ERC1: variants seen among roughly 807,000 people sequenced by gnomAD.
ERC1 encodes RAB6 interacting protein 2.
A neutral mutation model predicts 132.0 loss-of-function variants in ERC1; 56 were observed. The observed-to-expected ratio is 0.42, with a 90% CI of 0.34 to 0.53. The LOEUF is 0.53. ERC1 is among the 20% of genes least tolerant of loss of function. The probability of loss-of-function intolerance (pLI) is 0.03; values close to 1 mark genes in which losing one functional copy is unlikely to be tolerated. For synonymous variants in ERC1, 478 were observed against 476.1 expected (o/e 1.00, Z -0.05); for missense variants, 1,202 against 1,349.9 (o/e 0.89, Z 1.72).
chr12:1,068,807 C>T (rs1317470462), intron 2 of ERC1, among the ~76,000 whole-genome samples: 3 of 152,136 alleles, frequency 2.0e-5, no homozygotes, highest in African/African-American at 7.2e-5. Context: ...CGCCTTCTTA[C>T]ACTGTGTTCT....
chr12:1,004,640 T>TAA (rs1963174966), intron 1 of ERC1, among the ~76,000 whole-genome samples: 10 of 151,864 alleles, frequency 6.6e-5, no homozygotes, highest in Admixed American at 2.6e-4. Context: ...CTCCTGACCT[T>TAA]GTGATCCAAC....
At chr12:1,367,951 CT>C (rs59027116) in intron 15 of ERC1, among the ~76,000 whole-genome samples, 11,323 of 118,480 alleles carry the variant, frequency 0.096, 533 homozygotes, top group Middle Eastern at 0.17. Flanking sequence ...CCACATTTTC[CT>C]TTTTTTTTTT....
At chr12:1,429,466 G>C (rs1456381227) in intron 17 of ERC1, among the ~76,000 whole-genome samples, 3 of 152,120 alleles carry the variant, frequency 2.0e-5, no homozygotes, top group African/African-American at 2.4e-5. Flanking sequence ...GAATCCTCAA[G>C]TTCATGTAGA....
At chr12:1,428,318 T>A (rs2092698043) in intron 17 of ERC1, among the ~76,000 whole-genome samples, 1 of 152,162 alleles carries the variant, frequency 6.6e-6, no homozygotes, top group African/African-American at 2.4e-5. Context: ...CGTGGATGAG[T>A]TTTACCCTAA....
In ERC1 at chr12:1,209,129, C is replaced by G. The variant is rs1957624707; in HGVS notation, c.2351+19077C>G. 2.0e-5 allele frequency among the ~76,000 whole-genome samples: 3 copies of G among 152,076 alleles called. No individual in the cohort carries two copies. The South Asian group carries it at 6.2e-4, about 32-fold the overall frequency. On this transcript the variant is annotated intron_variant, in intron 12 of 18. Transcript: ENST00000360905. ...GATTACAGGGGTGTGCCACCATGCC[C>G]AGCTAATTTTTGTATTTTTAGTAGA...
intron 7 of ERC1, among the ~76,000 whole-genome samples, chr12:1,124,273 A>C (rs1443092779): frequency 6.6e-6 from 1 of 152,228 alleles, no homozygotes; most frequent in Non-Finnish European, 1.5e-5. Context: ...AAGTCACATG[A>C]CTTTGCACTC....
intron 14 of ERC1, among the ~76,000 whole-genome samples, chr12:1,283,653 T>C (rs753143723): frequency 1.3e-5 from 2 of 152,248 alleles, no homozygotes; most frequent in African/African-American, 2.4e-5. Flanking sequence ...CTTGGATATA[T>C]GTATAATCTG....
intron 15 of ERC1, among the ~76,000 whole-genome samples, chr12:1,339,579 G>A (rs1457668242): frequency 1.3e-5 from 2 of 151,514 alleles, no homozygotes; most frequent in Non-Finnish European, 2.9e-5. Flanking sequence ...GGACAACTGT[G>A]ACAGGGTGCT....
intron 16 of ERC1, among the ~76,000 whole-genome samples, chr12:1,396,381 C>T (rs2090543133): frequency 1.3e-5 from 2 of 152,084 alleles, no homozygotes; most frequent in Admixed American, 6.5e-5. Context: ...CATTTTTTTG[C>T]ACCAATCATG....
At chr12:1,077,842 C>T (rs1181734391) in intron 2 of ERC1, among the ~76,000 whole-genome samples, 6 of 152,004 alleles carry the variant, frequency 3.9e-5, no homozygotes, top group East Asian at 1.9e-4. Context: ...CTGCTTTTTT[C>T]CTTCTTCTAA....
chr12:1,390,069 G>C (rs2089813623), intron 16 of ERC1, among the ~76,000 whole-genome samples: 1 of 152,200 alleles, frequency 6.6e-6, no homozygotes, highest in African/African-American at 2.4e-5. Context: ...GTGTCTGGAA[G>C]TGACCTTTGT....
intron 2 of ERC1, among the ~76,000 whole-genome samples, chr12:1,080,896 G>T (rs528823537): frequency 6.6e-6 from 1 of 151,508 alleles, no homozygotes; most frequent in South Asian, 2.1e-4. Context: ...TATCAGCAGC[G>T]TGAAAACGAA....
At chr12:1,464,632 G>T (rs1308907532) in intron 18 of ERC1, among the ~76,000 whole-genome samples, 3 of 142,070 alleles carry the variant, frequency 2.1e-5, no homozygotes, top group Non-Finnish European at 4.5e-5. Flanking sequence ...CAATTCTCCT[G>T]CCCTCACCCT....
chr12:1,157,533 C>G (rs1951518382), intron 8 of ERC1, among the ~76,000 whole-genome samples: 1 of 152,170 alleles, frequency 6.6e-6, no homozygotes, highest in Non-Finnish European at 1.5e-5. Flanking sequence ...CCCTTCTCTT[C>G]TGATTTGAAA....
chr12:1,345,769 C>T (rs2084390639), intron 15 of ERC1, among the ~76,000 whole-genome samples: 1 of 152,094 alleles, frequency 6.6e-6, no homozygotes, highest in Non-Finnish European at 1.5e-5. Context: ...CACCTTTTGC[C>T]ACATTTTCCC....
At chr12:1,348,718 C>T (rs556235127) in intron 15 of ERC1, among the ~76,000 whole-genome samples, 2 of 151,994 alleles carry the variant, frequency 1.3e-5, no homozygotes, top group East Asian at 1.9e-4. Context: ...TATAATGTCT[C>T]ACAATATAAT....
At chr12:1,440,790 A>G (rs1330776567) in intron 17 of ERC1, among the ~76,000 whole-genome samples, 1 of 151,274 alleles carries the variant, frequency 6.6e-6, no homozygotes, top group Non-Finnish European at 1.5e-5. Context: ...CTGAGACTAC[A>G]GGTGCGCACC....
intron 14 of ERC1, among the ~76,000 whole-genome samples, chr12:1,281,424 C>T (rs2078671517): frequency 6.6e-6 from 1 of 152,092 alleles, no homozygotes; most frequent in African/African-American, 2.4e-5. Flanking sequence ...ATTTCATTTC[C>T]TAAATTAGAC....
At position 1,490,302 on chromosome 12, in the gene ERC1, C is replaced by G; in HGVS notation, c.*72C>G. 6.7e-7 allele frequency: 1 copy of G among 1,492,900 alleles called. No homozygotes were observed. The highest frequency in any genetic ancestry group is 9.1e-7 in the Non-Finnish European group (1 of 1,095,446). The allele number at this position is 1,492,900 out of a possible 1,614,324, so 92.5% of individuals were successfully genotyped here. Reference sequence around the variant, plus strand: ...AAAGAGAACTACGAGGAACAGGTGCCCGGAACCTTCTTGGCACCAAACACT... The same window carrying G: ...AAAGAGAACTACGAGGAACAGGTGCGCGGAACCTTCTTGGCACCAAACACT... On this transcript the variant is annotated 3_prime_UTR_variant, in exon 19 of 19. Coordinates refer to ENST00000360905, the MANE Select transcript of ERC1 (RefSeq NM_178040.4).
Sources: gnomAD v4.1 joint callset for allele counts (sites outside exome capture counted in the v4.1 genomes callset) on GRCh38, gnomAD v4.1.1 for gene constraint, MANE v1.5 for transcripts, NCBI Gene and HGNC (gene_info 2026-07-23, HGNC 2026-07-21) for gene names.